Variants in SEMA3C observed in about 807,000 individuals in gnomAD.
SEMA3C encodes semaphorin 3C.
In SEMA3C, 47 loss-of-function variants were observed where a neutral mutation model predicts 89.4. That is an observed-to-expected ratio of 0.53 (90% CI 0.42 to 0.67). The LOEUF (loss-of-function observed/expected upper bound fraction) is 0.67. Among genes scored for constraint, SEMA3C ranks in the 30% least tolerant of loss-of-function variants. SEMA3C has a pLI of 0.00. For synonymous variants in SEMA3C, 310 were observed against 320.2 expected, an observed-to-expected ratio of 0.97 and a Z score of 0.34; for missense variants, 839 against 929.1, an observed-to-expected ratio of 0.90 and a Z score of 1.26.
chr7:80,903,873 G>A (rs911969802), intron 2 of SEMA3C, among the ~76,000 whole-genome samples: 2 of 151,998 alleles, frequency 1.3e-5, no homozygotes, highest in African/African-American at 4.8e-5. Flanking sequence ...TGAGTGACAG[G>A]AAGCCTTCCC....
At chr7:80,773,673 G>C (rs1385182050) in intron 12 of SEMA3C, among the ~76,000 whole-genome samples, 3 of 152,180 alleles carry the variant, frequency 2.0e-5, no homozygotes, top group Non-Finnish European at 4.4e-5. Context: ...GTCCCACTAA[G>C]ATGAGGAGGC....
At chr7:80,761,443 C>T (rs1031570142) in intron 14 of SEMA3C, among the ~76,000 whole-genome samples, 173 bp downstream of exon 14, 22 of 152,186 alleles carry the variant, frequency 1.4e-4, no homozygotes, top group African/African-American at 5.3e-4. Context: ...CGGTCTTTCA[C>T]TAATACCTTG....
At chr7:80,754,948 T>TTTTTTTTTTGTTTTTTTTG (rs746451567) in intron 15 of SEMA3C, among the ~76,000 whole-genome samples, 40 of 27,378 alleles carry the variant, frequency 1.5e-3, no homozygotes, top group African/African-American at 6.3e-3. Flanking sequence ...TGGCGAATTG[T>TTTTTTTTTTGTTTTTTTTG]TTTTTTTTGT....
At chr7:80,844,873 T>C (rs1054292459) in intron 2 of SEMA3C, among the ~76,000 whole-genome samples, 6 of 152,202 alleles carry the variant, frequency 3.9e-5, no homozygotes, top group Non-Finnish European at 5.9e-5. Flanking sequence ...AGTTAGCACA[T>C]TGCTGCAGTA....
intron 2 of SEMA3C, among the ~76,000 whole-genome samples, chr7:80,898,240 C>T (rs543849600): frequency 6.6e-6 from 1 of 152,206 alleles, no homozygotes; most frequent in Non-Finnish European, 1.5e-5. Context: ...GTGGCACATG[C>T]CTGTAGTCCC....
Position 80,811,551 on chromosome 7 carries a change from TA to T in SEMA3C, c.448-851del, listed in dbSNP as rs142288894. On this transcript the variant is annotated intron_variant, in intron 5 of 17. Coordinates refer to ENST00000265361, the MANE Select transcript of SEMA3C (RefSeq NM_006379.5). ...ACAAGCCCCCTACCAAAATTCAAAG[TA>T]AAAAAAAAATGACCATTTTAATAAG... 1.6e-4 allele frequency among the ~76,000 whole-genome samples: 24 copies of T among 147,366 alleles called. No individual in the cohort carries two copies. In the South Asian group the frequency reaches 2.2e-3, roughly 13 times the overall value.
intron 11 of SEMA3C, among the ~76,000 whole-genome samples, chr7:80,796,993 T>C (rs1465417660): frequency 3.3e-5 from 5 of 151,894 alleles, no homozygotes; most frequent in African/African-American, 1.2e-4. Context: ...ATAAAATGAA[T>C]CAACAATTAG....
At chr7:80,780,143 C>G (rs1379139162) in intron 12 of SEMA3C, among the ~76,000 whole-genome samples, 1 of 152,172 alleles carries the variant, frequency 6.6e-6, no homozygotes, top group Non-Finnish European at 1.5e-5. Context: ...TTTGTGGTAA[C>G]TTGTTATACA....
chr7:80,802,325 TTAGA>T (rs1412898176), intron 9 of SEMA3C, among the ~76,000 whole-genome samples: 2 of 152,108 alleles, frequency 1.3e-5, no homozygotes, highest in Non-Finnish European at 2.9e-5. Context: ...AATCAGAATA[TTAGA>T]TATTCTAATA....
chr7:80,866,941 G>A (rs1395447160), intron 2 of SEMA3C, among the ~76,000 whole-genome samples: 1 of 152,174 alleles, frequency 6.6e-6, no homozygotes, highest in Non-Finnish European at 1.5e-5. Context: ...ATACGAGGCT[G>A]AAATTGTGGA....
At chr7:80,873,284 G>C (rs768623105) in intron 2 of SEMA3C, among the ~76,000 whole-genome samples, 1 of 152,228 alleles carries the variant, frequency 6.6e-6, no homozygotes, top group Non-Finnish European at 1.5e-5. Context: ...CAGCCAGACT[G>C]TGCAGGGCAA....
intron 5 of SEMA3C, among the ~76,000 whole-genome samples, chr7:80,812,707 C>T (rs1370013695): frequency 1.3e-5 from 2 of 152,096 alleles, no homozygotes; most frequent in African/African-American, 4.8e-5. Flanking sequence ...AACTTGTCTC[C>T]TGAGAAATCT....
At chr7:80,900,967 T>G (rs149168641) in intron 2 of SEMA3C, among the ~76,000 whole-genome samples, 113 of 152,348 alleles carry the variant, frequency 7.4e-4, no homozygotes, top group African/African-American at 2.6e-3. Context: ...CTGAATGGCT[T>G]AAAAATAAAT....
At chr7:80,870,830 T>A (rs1419327605) in intron 2 of SEMA3C, among the ~76,000 whole-genome samples, 1 of 152,146 alleles carries the variant, frequency 6.6e-6, no homozygotes, top group Admixed American at 6.5e-5. Flanking sequence ...GAGGTAGAGT[T>A]TAGACACTTG....
chr7:80,770,697 G>C (rs1163224858), intron 12 of SEMA3C, among the ~76,000 whole-genome samples: 2 of 152,102 alleles, frequency 1.3e-5, no homozygotes, highest in Non-Finnish European at 2.9e-5. Context: ...CCTCTCTTCC[G>C]GCTCCAGGGA....
chr7:80,800,435 A>G (rs1789174437), intron 10 of SEMA3C, among the ~76,000 whole-genome samples: 1 of 152,200 alleles, frequency 6.6e-6, no homozygotes, highest in African/African-American at 2.4e-5. Context: ...AAAAAATGCC[A>G]AAAGTTTTAT....
In SEMA3C at chr7:80,810,598, G is replaced by T; in HGVS notation, c.538+13C>A. 6.2e-7 allele frequency: 1 copy of T among 1,603,070 alleles called. No homozygotes were observed. Among genetic ancestry groups the T allele is most frequent in the Non-Finnish European group, 8.5e-7 (1 of 1,171,920 alleles). ...TTTTATGTTTAATCCTCCCTCTTTC[G>T]TTGTCTACTTACTGATCATAACAGA... On this transcript the variant is annotated intron_variant, in intron 6 of 17. Coordinates refer to ENST00000265361, the MANE Select transcript of SEMA3C (RefSeq NM_006379.5).
intron 2 of SEMA3C, among the ~76,000 whole-genome samples, chr7:80,872,542 G>A (rs561647879): frequency 1.3e-5 from 2 of 151,922 alleles, no homozygotes; most frequent in Admixed American, 1.3e-4. Context: ...GGTGGCTTAC[G>A]CCTGTAATCC....
rs906056194 is a variant in SEMA3C at position 80,763,028 on chromosome 7, A to G, written c.1444-1371T>C. ...TTTTGATCATCCCTTATAAATATGT[A>G]CACACACATGCACACACACATACAA... is the stretch of plus-strand genomic sequence containing the variant. On this transcript the variant is annotated intron_variant, in intron 13 of 17. Transcript: ENST00000265361. Among the ~76,000 whole-genome samples, 17 of 152,148 alleles carry G rather than the reference A, an allele frequency of 1.1e-4. No individual in the cohort carries two copies. In the South Asian group the frequency reaches 3.1e-3, roughly 28 times the overall value.
Sources: allele counts gnomAD v4.1 joint callset (sites outside exome capture counted in the v4.1 genomes callset), GRCh38; gene constraint gnomAD v4.1.1; transcripts MANE v1.5; gene names NCBI Gene and HGNC (gene_info 2026-07-23, HGNC 2026-07-21).